CUBN: variants seen among roughly 807,000 people sequenced by gnomAD.
CUBN encodes the protein 460 kDa receptor.
A neutral mutation model predicts 405.3 loss-of-function variants in CUBN; 282 were observed. The ratio of observed to expected loss-of-function variants is 0.70; its 90% CI spans 0.63 to 0.77. CUBN has a LOEUF of 0.77. CUBN is among the 30% of genes least tolerant of loss of function. CUBN has a pLI of 0.00. For missense variants in CUBN, 4,514 were observed against 4,475.2 expected, an observed-to-expected ratio of 1.01 and a Z score of -0.25; for synonymous variants, 1,684 against 1,617.0, an observed-to-expected ratio of 1.04 and a Z score of -0.99.
chr10:16,840,769 T>C (rs1839323305), intron 61 of CUBN, 116 bp downstream of exon 61: 5 of 965,458 alleles, frequency 5.2e-6, no homozygotes, highest in East Asian at 2.5e-5. Flanking sequence ...TAGATAGTAA[T>C]TGACATTGAG....
chr10:16,965,416 A>G (rs2131658092), intron 31 of CUBN, among the ~76,000 whole-genome samples: 1 of 152,322 alleles, frequency 6.6e-6, no homozygotes, highest in Non-Finnish European at 1.5e-5. Context: ...GACGTGATGC[A>G]GAGCACTTCA....
Position 16,901,350 on chromosome 10 carries a change from C to T in CUBN, c.8172G>A (p.Gly2724=). 1 of 1,614,116 alleles carries T rather than the reference C, an allele frequency of 6.2e-7. No homozygotes were observed. The highest frequency in any genetic ancestry group is 8.5e-7 in the Non-Finnish European group (1 of 1,179,986). The change falls in exon 52 of 67, where the codon GGG becomes GGA. Residue 2724 remains glycine, a synonymous_variant. Transcript: ENST00000377833. ...CATTAGCACTCACAGTGATGGTGTG[C>T]CCTTGTGGGGCCTCCAACAGCGAAG... ...HCSSLLEAPQ[G]HTITLTFSDF...
intron 21 of CUBN, 73 bp from the exon 22 acceptor site, chr10:17,065,711 G>A: frequency 6.4e-7 from 1 of 1,566,532 alleles, no homozygotes; most frequent in Non-Finnish European, 8.8e-7. Context: ...ACAAAAATTT[G>A]GACATGTAAA....
Position 16,937,591 on chromosome 10 carries a change from C to T in CUBN, c.5926+1G>A, listed in dbSNP as rs1470304025. 1.9e-6 allele frequency: 3 copies of T among 1,613,346 alleles called. No homozygotes were observed. The highest frequency in any genetic ancestry group is 2.7e-5 in the African/African-American group (2 of 74,864). On this transcript the variant is annotated splice_donor_variant, in intron 39 of 66. Transcript: ENST00000377833. LOFTEE classifies it high-confidence loss of function. Reference sequence around the variant, plus strand: ...AGAACTTCATTTATTACCAAACACACCTGGAGCAATGGTAGGTAAAACACC... The same window carrying T: ...AGAACTTCATTTATTACCAAACACATCTGGAGCAATGGTAGGTAAAACACC...
intron 27 of CUBN, among the ~76,000 whole-genome samples, chr10:17,020,768 C>T (rs1158744107): frequency 6.6e-6 from 1 of 152,064 alleles, no homozygotes. Context: ...TAAAATGCCA[C>T]AAATATAATG....
chr10:17,039,381 C>A (rs551972282), intron 27 of CUBN, among the ~76,000 whole-genome samples: 4 of 152,270 alleles, frequency 2.6e-5, no homozygotes, highest in East Asian at 1.9e-4. Flanking sequence ...CTTGAACTTA[C>A]TGAACTCCTG....
At chr10:16,876,810 A>C in intron 57 of CUBN, 87 bp downstream of exon 57, 1 of 1,105,706 alleles carries the variant, frequency 9.0e-7, no homozygotes, top group Non-Finnish European at 1.4e-6. Flanking sequence ...TCTTCAAGTT[A>C]GTGCTGTATG....
chr10:17,066,795 A>G (rs757606586), intron 21 of CUBN, among the ~76,000 whole-genome samples: 10 of 152,204 alleles, frequency 6.6e-5, no homozygotes, highest in Admixed American at 1.3e-4. Flanking sequence ...AATGCAAGAT[A>G]AAGACATTTT....
chr10:16,840,405 C>T lies in CUBN; in HGVS notation c.9957G>A (p.Lys3319=). Residue 3319 remains lysine (K), a synonymous_variant, in exon 62 of 67, where the codon AAG becomes AAA. Coordinates refer to ENST00000377833, the MANE Select transcript of CUBN (RefSeq NM_001081.4). ...TCAGCTGTAATGCCCACACAGTTATCTTGACCTGCTGATGCGGAGGGGAAT... is the reference window on the plus strand; with the variant it reads ...TCAGCTGTAATGCCCACACAGTTATTTTGACCTGCTGATGCGGAGGGGAAT... The part of the protein sequence containing the change: ...VIDSPPHQQV[K]ITVWALQLTS... The T allele has an allele frequency of 6.2e-7, 1 of 1,614,142 alleles. No individual in the cohort carries two copies. Among genetic ancestry groups the T allele is most frequent in the Non-Finnish European group, 8.5e-7 (1 of 1,180,018 alleles).
chr10:16,877,191 G>C, intron 56 of CUBN, 94 bp from the exon 57 acceptor site: 1 of 1,018,326 alleles, frequency 9.8e-7, no homozygotes, highest in East Asian at 2.6e-5. Flanking sequence ...GATGACTCAT[G>C]CAATTGCTAT....
chr10:16,916,972 C>T (rs1195901409), intron 45 of CUBN, among the ~76,000 whole-genome samples: 2 of 151,840 alleles, frequency 1.3e-5, no homozygotes, highest in Non-Finnish European at 1.5e-5. Context: ...CACCACCATG[C>T]CTGGCTAATT....
intron 8 of CUBN, 65 bp from the exon 9 acceptor site, chr10:17,111,115 A>T: frequency 6.4e-7 from 1 of 1,560,974 alleles, no homozygotes. Flanking sequence ...GAAATACAAG[A>T]GTCAAAACAT....
At chr10:17,048,996 A>T (rs764406304) in intron 22 of CUBN, among the ~76,000 whole-genome samples, 2 of 152,224 alleles carry the variant, frequency 1.3e-5, no homozygotes, top group African/African-American at 2.4e-5. Flanking sequence ...GCTTTACTTT[A>T]TTGAAGGAAT....
At chr10:17,000,604 C>G (rs80008789) in intron 28 of CUBN, among the ~76,000 whole-genome samples, 1,876 of 152,288 alleles carry the variant, frequency 0.012, 18 homozygotes, top group Non-Finnish European at 0.017. Flanking sequence ...AAGCTCTGAC[C>G]TTCTTTGCAT....
intron 13 of CUBN, among the ~76,000 whole-genome samples, chr10:17,102,266 T>TATTA (rs1298907710): frequency 1.1e-5 from 1 of 88,914 alleles, no homozygotes; most frequent in Non-Finnish European, 2.6e-5. Flanking sequence ...TTTATTTATT[T>TATTA]ATTTATTTAT....
chr10:17,067,981 A>G, intron 21 of CUBN, 83 bp downstream of exon 21: 1 of 1,083,506 alleles, frequency 9.2e-7, no homozygotes, highest in Non-Finnish European at 1.4e-6. Flanking sequence ...TCATAACACA[A>G]CGTGGTCAAT....
intron 4 of CUBN, among the ~76,000 whole-genome samples, chr10:17,125,084 G>A (rs533166281): frequency 6.7e-5 from 10 of 148,550 alleles, no homozygotes; most frequent in Admixed American, 1.3e-4. Flanking sequence ...CACCTGCCTC[G>A]GCCTCCTAAA....
intron 27 of CUBN, among the ~76,000 whole-genome samples, chr10:17,027,694 G>T (rs1308480374): frequency 1.3e-5 from 2 of 151,952 alleles, no homozygotes; most frequent in African/African-American, 4.8e-5. Context: ...TAAACACCTG[G>T]CCTACTAAAA....
intron 49 of CUBN, 83 bp from the exon 50 acceptor site, chr10:16,906,492 T>G: frequency 1.0e-6 from 1 of 956,078 alleles, no homozygotes; most frequent in Non-Finnish European, 1.7e-6. Context: ...GAACAGTAAC[T>G]AAAACATCAA....
Sources: allele counts gnomAD v4.1 joint callset (sites outside exome capture counted in the v4.1 genomes callset), GRCh38; gene constraint gnomAD v4.1.1; transcripts MANE v1.5; gene names NCBI Gene and HGNC (gene_info 2026-07-23, HGNC 2026-07-21).